The following LARGE1 variants were observed in gnomAD, a reference collection of about 807,000 sequenced individuals.
The protein encoded by LARGE1 is LARGE xylosyl- and glucuronyltransferase 1, also known as xylosyl- and glucuronyltransferase LARGE1.
Under a neutral mutation model 87.6 loss-of-function variants are expected in LARGE1, and 43 were observed. The ratio of observed to expected loss-of-function variants is 0.49; its 90% confidence interval spans 0.38 to 0.63. The LOEUF (loss-of-function observed/expected upper bound fraction) is 0.63. LARGE1 is among the 30% of genes least tolerant of loss of function. The probability of loss-of-function intolerance (pLI) is 0.00; values close to 1 mark genes in which losing one functional copy is unlikely to be tolerated. For synonymous variants in LARGE1, 434 were observed against 394.6 expected, an observed-to-expected ratio of 1.10 and a Z score of -1.18; for missense variants, 802 against 1,000.2, an observed-to-expected ratio of 0.80 and a Z score of 2.67.
rs116628424 is a variant in LARGE1 at position 33,493,767 on chromosome 22, G to T, written c.788-61502C>A. ...TTCACAGCCACACAGCTGCACTCAA[G>T]ATCCTTTATTTTAAACAATGACTCC... is the stretch of plus-strand genomic sequence containing the variant. On this transcript the variant is annotated intron_variant, in intron 6 of 14. Coordinates refer to ENST00000397394, the MANE Select transcript of LARGE1 (RefSeq NM_133642.5). 5.1e-3 allele frequency among the ~76,000 whole-genome samples: 776 copies of T among 152,252 alleles called. 10 individuals carry two copies. Among genetic ancestry groups the T allele is most frequent in the African/African-American group, 0.017 (718 of 41,542 alleles).
At chr22:33,286,701 TA>T (rs1483846489) in intron 12 of LARGE1, among the ~76,000 whole-genome samples, 3 of 152,110 alleles carry the variant, frequency 2.0e-5, no homozygotes, top group East Asian at 1.9e-4. Flanking sequence ...GGCAGAACTA[TA>T]AAGGGAATGG....
At chr22:33,433,280 T>A (rs2067146546) in intron 6 of LARGE1, among the ~76,000 whole-genome samples, 1 of 152,088 alleles carries the variant, frequency 6.6e-6, no homozygotes, top group Non-Finnish European at 1.5e-5. Flanking sequence ...TAGGCAGGAA[T>A]TATCAATCCA....
chr22:33,502,262 G>C (rs1463890102), intron 6 of LARGE1, among the ~76,000 whole-genome samples: 3 of 151,872 alleles, frequency 2.0e-5, no homozygotes, highest in African/African-American at 7.3e-5. Context: ...AGTGACAGCG[G>C]CGGTGAGCTG....
chr22:33,679,599 T>C (rs1401758094), intron 2 of LARGE1, among the ~76,000 whole-genome samples: 3 of 152,014 alleles, frequency 2.0e-5, no homozygotes, highest in Non-Finnish European at 4.4e-5. Context: ...TCCCAAACTT[T>C]GGGAGGTCGA....
intron 12 of LARGE1, among the ~76,000 whole-genome samples, chr22:33,298,160 A>G (rs1314593727): frequency 6.6e-6 from 1 of 152,114 alleles, no homozygotes; most frequent in Admixed American, 6.5e-5. Flanking sequence ...GTGTGCACCC[A>G]CATTGGGTCA....
chr22:33,842,213 TTTA>T (rs1309152808), intron 1 of LARGE1, among the ~76,000 whole-genome samples: 1 of 152,186 alleles, frequency 6.6e-6, no homozygotes, highest in African/African-American at 2.4e-5. Flanking sequence ...CCGAATCCTA[TTTA>T]TTAAGTGCCT....
chr22:33,519,071 C>T (rs1359868078), intron 6 of LARGE1, among the ~76,000 whole-genome samples: 1 of 152,108 alleles, frequency 6.6e-6, no homozygotes, highest in African/African-American at 2.4e-5. Flanking sequence ...CTTTCACAGG[C>T]AGCTTGATTC....
At chr22:33,473,573 T>C (rs1007471945) in intron 6 of LARGE1, among the ~76,000 whole-genome samples, 1 of 152,146 alleles carries the variant, frequency 6.6e-6, no homozygotes, top group African/African-American at 2.4e-5. Flanking sequence ...CAGGCTGGTC[T>C]TGAACTCCTG....
chr22:33,798,428 C>T (rs2146048557), intron 1 of LARGE1, among the ~76,000 whole-genome samples: 2 of 152,258 alleles, frequency 1.3e-5, no homozygotes, highest in South Asian at 4.1e-4. Flanking sequence ...ATGTATATTA[C>T]ATGATGAAAT....
chr22:33,703,467 C>T (rs978983407), intron 2 of LARGE1, among the ~76,000 whole-genome samples: 3 of 152,088 alleles, frequency 2.0e-5, no homozygotes, highest in African/African-American at 7.2e-5. Context: ...GTGAGTATCA[C>T]GTTACATAAC....
At chr22:33,231,114 A>C (rs1477535947) in intron 11 of LARGE1, among the ~76,000 whole-genome samples, 2 of 152,248 alleles carry the variant, frequency 1.3e-5, no homozygotes, top group Admixed American at 6.5e-5. Flanking sequence ...TTTAATAAAC[A>C]AAAACAGTTC....
intron 3 of LARGE1, among the ~76,000 whole-genome samples, chr22:33,640,250 C>T (rs965281742): frequency 7.9e-5 from 12 of 152,178 alleles, no homozygotes; most frequent in African/African-American, 2.9e-4. Flanking sequence ...AAGTGCACTG[C>T]TCATGGGTAG....
At chr22:33,387,365 T>C (rs1392956024) in intron 7 of LARGE1, among the ~76,000 whole-genome samples, 4 of 140,162 alleles carry the variant, frequency 2.9e-5, no homozygotes. Context: ...AGACGGAGGA[T>C]GCGGTGAGCT....
At chr22:33,672,978 A>G (rs1218466058) in intron 2 of LARGE1, among the ~76,000 whole-genome samples, 1 of 152,120 alleles carries the variant, frequency 6.6e-6, no homozygotes, top group Non-Finnish European at 1.5e-5. Context: ...GATTGTTATC[A>G]AGATGCTTTG....
At chr22:33,658,550 T>G (rs114193313) in intron 2 of LARGE1, among the ~76,000 whole-genome samples, 2,722 of 152,324 alleles carry the variant, frequency 0.018, 59 homozygotes, top group African/African-American at 0.054. Flanking sequence ...TTGGTTTTCT[T>G]TTCCTGTGTT....
intron 1 of LARGE1, among the ~76,000 whole-genome samples, chr22:33,915,048 G>GAGAGAC (rs2065747682): frequency 7.6e-6 from 1 of 132,340 alleles, no homozygotes. Flanking sequence ...CACACAGAGA[G>GAGAGAC]AGAGAGAGAG....
At chr22:33,605,197 A>G (rs1023615116) in intron 4 of LARGE1, among the ~76,000 whole-genome samples, 12 of 152,128 alleles carry the variant, frequency 7.9e-5, no homozygotes, top group Non-Finnish European at 1.3e-4. Flanking sequence ...TTTGGTGGCC[A>G]GAACTCAGAC....
At chr22:33,433,051 C>G (rs1197790456) in intron 6 of LARGE1, among the ~76,000 whole-genome samples, 1 of 152,210 alleles carries the variant, frequency 6.6e-6, no homozygotes, top group Admixed American at 6.5e-5. Flanking sequence ...GCCTTCACAT[C>G]TGATCCACCT....
intron 1 of LARGE1, among the ~76,000 whole-genome samples, chr22:33,788,695 T>A (rs926905090): frequency 1.3e-5 from 2 of 152,166 alleles, no homozygotes; most frequent in African/African-American, 4.8e-5. Flanking sequence ...GCAAAAAGAC[T>A]GGTGACATTT....
Sources: allele counts gnomAD v4.1 joint callset (sites outside exome capture counted in the v4.1 genomes callset), GRCh38; gene constraint gnomAD v4.1.1; transcripts MANE v1.5; gene names NCBI Gene and HGNC (gene_info 2026-07-23, HGNC 2026-07-21).